The following SNX29 variants were observed in gnomAD, a reference collection of about 807,000 sequenced individuals.
The protein encoded by SNX29 is sorting nexin 29.
In SNX29, 78 loss-of-function variants were observed where a neutral mutation model predicts 102.1. The ratio of observed to expected loss-of-function variants is 0.76; its 90% confidence interval spans 0.64 to 0.92. The LOEUF is 0.92. Ranked by LOEUF, SNX29 falls within the 40% of genes least tolerant of loss-of-function variation. The pLI, the probability that SNX29 is intolerant of heterozygous loss-of-function variation, is 0.00. For missense variants in SNX29, 1,280 were observed against 1,061.7 expected, an observed-to-expected ratio of 1.21 and a Z score of -2.86; for synonymous variants, 580 against 414.5, an observed-to-expected ratio of 1.40 and a Z score of -4.85.
chr16:12,562,020 C>T (rs754454706), intron 20 of SNX29, among the ~76,000 whole-genome samples: 1 of 152,172 alleles, frequency 6.6e-6, no homozygotes, highest in South Asian at 2.1e-4. Context: ...GGAGGCCTGG[C>T]CCCTCATGGA....
chr16:12,238,522 C>G (rs2078006652), intron 14 of SNX29, among the ~76,000 whole-genome samples: 1 of 152,124 alleles, frequency 6.6e-6, no homozygotes, highest in South Asian at 2.1e-4. Flanking sequence ...TGGGGTTTTA[C>G]CATGTTGGCC....
intron 19 of SNX29, among the ~76,000 whole-genome samples, chr16:12,483,641 G>C (rs2088083626): frequency 6.6e-6 from 1 of 152,132 alleles, no homozygotes; most frequent in African/African-American, 2.4e-5. Flanking sequence ...TCACAGGTGT[G>C]GGGTTTGTTT....
chr16:12,518,677 G>A (rs779532677), intron 19 of SNX29, among the ~76,000 whole-genome samples: 3 of 152,184 alleles, frequency 2.0e-5, no homozygotes, highest in Non-Finnish European at 4.4e-5. Context: ...ACTCCTCGAG[G>A]AAAAGGATCC....
chr16:12,168,922 G>C (rs1418778166), intron 13 of SNX29, among the ~76,000 whole-genome samples: 1 of 152,160 alleles, frequency 6.6e-6, no homozygotes, highest in Admixed American at 6.5e-5. Flanking sequence ...TTGGCACCTG[G>C]GTTGTGGGGT....
intron 20 of SNX29, among the ~76,000 whole-genome samples, chr16:12,535,784 T>G (rs1352101676): frequency 6.6e-6 from 1 of 151,810 alleles, no homozygotes; most frequent in Non-Finnish European, 1.5e-5. Flanking sequence ...GTCCTCAGAG[T>G]ATAGAGGCCG....
intron 18 of SNX29, among the ~76,000 whole-genome samples, chr16:12,412,516 C>G (rs1022046073): frequency 6.6e-6 from 1 of 152,172 alleles, no homozygotes; most frequent in Admixed American, 6.5e-5. Flanking sequence ...CGGGAGAGAG[C>G]GCTGCAAAGA....
At chr16:12,355,474 G>C (rs376748657) in intron 15 of SNX29, among the ~76,000 whole-genome samples, 1 of 152,118 alleles carries the variant, frequency 6.6e-6, no homozygotes, top group East Asian at 1.9e-4. Context: ...AGGGAGCTAG[G>C]GGTCTAGATA....
intron 14 of SNX29, among the ~76,000 whole-genome samples, chr16:12,206,258 G>C (rs2077041364): frequency 6.6e-6 from 1 of 151,890 alleles, no homozygotes; most frequent in Non-Finnish European, 1.5e-5. Context: ...CTGCCTTCAG[G>C]GATGGTTTGA....
chr16:12,025,302 C>CAAAAAA (rs35724715), intron 3 of SNX29, among the ~76,000 whole-genome samples: 1,286 of 59,966 alleles, frequency 0.021, 133 homozygotes, highest in African/African-American at 0.051. Context: ...AACTCCATCT[C>CAAAAAA]AAAAAAAAAA....
intron 3 of SNX29, among the ~76,000 whole-genome samples, chr16:12,019,368 G>T (rs1424819257): frequency 6.6e-6 from 1 of 151,556 alleles, no homozygotes; most frequent in African/African-American, 2.4e-5. Flanking sequence ...ACCATGCCCG[G>T]CTACTTTTTT....
intron 3 of SNX29, among the ~76,000 whole-genome samples, chr16:12,016,772 A>G (rs1219075137): frequency 6.6e-6 from 1 of 151,850 alleles, no homozygotes; most frequent in Non-Finnish European, 1.5e-5. Context: ...TAGGGCTTTT[A>G]TTTTTATAGG....
intron 20 of SNX29, chr16:12,546,386 G>T (rs922805603): frequency 2.7e-5 from 4 of 147,156 alleles, no homozygotes; most frequent in African/African-American, 4.8e-5. Flanking sequence ...ACCGTGGAAG[G>T]CAAGGAGCAA....
At chr16:12,315,574 C>T (rs998470108) in intron 15 of SNX29, among the ~76,000 whole-genome samples, 3 of 152,068 alleles carry the variant, frequency 2.0e-5, no homozygotes, top group Admixed American at 2.0e-4. Context: ...GGCCTGTGTG[C>T]GTGCAGAGAT....
intron 18 of SNX29, among the ~76,000 whole-genome samples, chr16:12,476,425 T>A (rs1310348067): frequency 5.0e-5 from 4 of 80,290 alleles, no homozygotes; most frequent in Non-Finnish European, 9.4e-5. Flanking sequence ...TATATATATA[T>A]ATATATATAT....
At chr16:12,281,883 C>G (rs1596745706) in intron 15 of SNX29, among the ~76,000 whole-genome samples, 1 of 151,948 alleles carries the variant, frequency 6.6e-6, no homozygotes, top group East Asian at 1.9e-4. Flanking sequence ...GTAGCCTGGC[C>G]AACACGGGGA....
intron 20 of SNX29, among the ~76,000 whole-genome samples, chr16:12,562,774 C>G (rs763944161): frequency 6.6e-6 from 1 of 152,178 alleles, no homozygotes; most frequent in Non-Finnish European, 1.5e-5. Flanking sequence ...GGCTTGGAGT[C>G]CTTTAGCCAT....
chr16:12,508,948 C>A (rs1456737986), intron 19 of SNX29, among the ~76,000 whole-genome samples: 1 of 152,202 alleles, frequency 6.6e-6, no homozygotes, highest in African/African-American at 2.4e-5. Context: ...TGAGCCTCAT[C>A]TGTGAAATGT....
intron 20 of SNX29, among the ~76,000 whole-genome samples, chr16:12,562,460 T>G (rs1173471375): frequency 6.6e-6 from 1 of 152,132 alleles, no homozygotes; most frequent in Non-Finnish European, 1.5e-5. Flanking sequence ...TTGATCCCCC[T>G]TCATAGGCTA....
intron 20 of SNX29, among the ~76,000 whole-genome samples, chr16:12,533,572 T>C (rs1300071000): frequency 1.3e-5 from 2 of 152,208 alleles, no homozygotes; most frequent in Non-Finnish European, 2.9e-5. Context: ...CTCGTCATTA[T>C]CAACCAGGTA....
Sources: allele counts gnomAD v4.1 joint callset (sites outside exome capture counted in the v4.1 genomes callset), GRCh38; gene constraint gnomAD v4.1.1; transcripts MANE v1.5; gene names NCBI Gene and HGNC (gene_info 2026-07-23, HGNC 2026-07-21).